Variants in ZMYM1 observed in about 807,000 individuals in gnomAD.
ZMYM1 encodes the protein zinc finger MYM-type containing 1.
In ZMYM1, 39 loss-of-function variants were observed where a neutral mutation model predicts 60.0. The ratio of observed to expected loss-of-function variants is 0.65; its 90% CI spans 0.50 to 0.85. ZMYM1 has a LOEUF of 0.85. Among genes scored for constraint, ZMYM1 ranks in the 40% least tolerant of loss-of-function variants. The pLI is 0.00. For missense variants in ZMYM1, 1,171 were observed against 1,309.5 expected (o/e 0.89, Z 1.63); for synonymous variants, 413 against 454.0 (o/e 0.91, Z 1.15).
intron 1 of ZMYM1, among the ~76,000 whole-genome samples, chr1:35,089,678 T>G (rs1489362262): frequency 6.7e-6 from 1 of 149,026 alleles, no homozygotes; most frequent in African/African-American, 2.4e-5. Context: ...CTGTAACAAC[T>G]TCAACTTCTC....
chr1:35,060,817 G>A (rs559213701), intron 1 of ZMYM1, among the ~76,000 whole-genome samples: 14 of 152,168 alleles, frequency 9.2e-5, no homozygotes, highest in Non-Finnish European at 1.8e-4. Context: ...ACCTCCTAGG[G>A]CCCAGCCCTA....
intron 6 of ZMYM1, among the ~76,000 whole-genome samples, chr1:35,108,610 G>T (rs544054531): frequency 6.6e-6 from 1 of 151,718 alleles, no homozygotes; most frequent in South Asian, 2.1e-4. Context: ...GCCTCGGCCT[G>T]CCAAAGTGCT....
chr1:35,090,665 G>A (rs901623146), intron 1 of ZMYM1, among the ~76,000 whole-genome samples: 1 of 152,226 alleles, frequency 6.6e-6, no homozygotes, highest in Non-Finnish European at 1.5e-5. Flanking sequence ...AGACTTATTT[G>A]ACTGGGTGTG....
At chr1:35,110,478 A>G (rs754810279) in intron 7 of ZMYM1, 31 bp downstream of exon 7, 4 of 1,348,980 alleles carry the variant, frequency 3.0e-6, no homozygotes, top group Non-Finnish European at 3.9e-6. Context: ...GTAGGGGTTT[A>G]GTAATTATTA....
intron 1 of ZMYM1, among the ~76,000 whole-genome samples, chr1:35,065,313 T>C (rs1030207770): frequency 7.9e-5 from 12 of 152,130 alleles, no homozygotes; most frequent in African/African-American, 2.9e-4. Flanking sequence ...AAATGACTTT[T>C]ATGACCCATT....
At chr1:35,087,674 C>T (rs749071911) in intron 1 of ZMYM1, among the ~76,000 whole-genome samples, 15 of 151,908 alleles carry the variant, frequency 9.9e-5, no homozygotes, top group African/African-American at 2.2e-4. Context: ...GTGATCAGCC[C>T]GCGTTGGCCT....
chr1:35,112,486 T>TTATATATA (rs556558531), intron 9 of ZMYM1, among the ~76,000 whole-genome samples: 17 of 145,388 alleles, frequency 1.2e-4, no homozygotes, highest in African/African-American at 3.8e-4. Context: ...CCCAGATTTT[T>TTATATATA]TATATATATA....
downstream of ZMYM1, among the ~76,000 whole-genome samples, chr1:35,116,111 C>G (rs527538824): frequency 7.6e-4 from 116 of 151,988 alleles, no homozygotes; most frequent in African/African-American, 2.7e-3. Context: ...ACTGCACACC[C>G]GAAGTCCCAG....
upstream of ZMYM1, among the ~76,000 whole-genome samples, chr1:35,074,568 C>A (rs566357319): frequency 6.6e-6 from 1 of 152,062 alleles, no homozygotes; most frequent in Non-Finnish European, 1.5e-5. Context: ...GCCACCATGT[C>A]CAGCTAATTT....
At chr1:35,107,242 C>T (rs1311081668) in intron 6 of ZMYM1, among the ~76,000 whole-genome samples, 9 of 146,032 alleles carry the variant, frequency 6.2e-5, no homozygotes, top group Non-Finnish European at 1.1e-4. Flanking sequence ...GGGTGGATCA[C>T]GAGGTCAGGA....
intron 6 of ZMYM1, among the ~76,000 whole-genome samples, chr1:35,106,345 A>T (rs1399277214): frequency 6.6e-6 from 1 of 152,138 alleles, no homozygotes; most frequent in Non-Finnish European, 1.5e-5. Context: ...GCAGTGGCTG[A>T]TGCCTATAAT....
rs749972567 is a variant in ZMYM1, at chr1:35,088,446, ATATATATATGTGTGTGTGTG to A, written c.-74-5466_-74-5447del. ...AATGTGTTTATGTGTATATATATATATATATATATGTGTGTGTGTGTGTGTGTGTGTGTGTGTGTGTGTGT... is the reference window on the plus strand; with the variant it reads ...AATGTGTTTATGTGTATATATATATATGTGTGTGTGTGTGTGTGTGTGTGT... On this transcript the variant is annotated intron_variant, in intron 1 of 9. Transcript: ENST00000359858. 2.8e-4 allele frequency among the ~76,000 whole-genome samples: 32 copies of A among 116,312 alleles called. 1 individual carries two copies. The highest frequency in any genetic ancestry group is 9.8e-4 in the African/African-American group (28 of 28,654). 76.3% of individuals were successfully genotyped at this position (116,312 alleles called of 152,430 possible). A position where few individuals can be genotyped will look rare whatever the true frequency, so the allele number is the denominator to read the frequency against.
chr1:35,092,611 T>C (rs1354166403), intron 1 of ZMYM1, among the ~76,000 whole-genome samples: 1 of 146,858 alleles, frequency 6.8e-6, no homozygotes, highest in African/African-American at 2.7e-5. Context: ...TTCCTTTCTT[T>C]CTTTCTTTCC....
intron 1 of ZMYM1, among the ~76,000 whole-genome samples, chr1:35,061,943 C>T (rs1641885356): frequency 6.6e-6 from 1 of 151,488 alleles, no homozygotes; most frequent in Admixed American, 6.6e-5. Context: ...GATCCTCCTG[C>T]CTTAGCCTCC....
At chr1:35,100,832 C>T (rs1379532805) in intron 4 of ZMYM1, among the ~76,000 whole-genome samples, 1 of 151,418 alleles carries the variant, frequency 6.6e-6, no homozygotes, top group Non-Finnish European at 1.5e-5. Context: ...AGACAAGGTC[C>T]CTGTCTGTCA....
upstream of ZMYM1, among the ~76,000 whole-genome samples, chr1:35,075,020 C>T (rs1240062896): frequency 1.3e-5 from 2 of 151,966 alleles, no homozygotes; most frequent in East Asian, 3.9e-4. Flanking sequence ...GTCACTGCGC[C>T]CAGCTAATTT....
intron 4 of ZMYM1, among the ~76,000 whole-genome samples, chr1:35,102,504 C>T (rs750758869): frequency 1.3e-5 from 2 of 152,086 alleles, no homozygotes; most frequent in Non-Finnish European, 2.9e-5. Flanking sequence ...TTTTGGGTAT[C>T]GATCAAGTTG....
Position 35,114,093 on chromosome 1 carries a change from A to T in ZMYM1, c.2263A>T (p.Ile755Phe). ...TGCACACTTTTTGGATTTATCAATAATTAGGTTTTGTAAAGAAGTAAAAGA... is the reference window on the plus strand; with the variant it reads ...TGCACACTTTTTGGATTTATCAATATTTAGGTTTTGTAAAGAAGTAAAAGA... ...CYAHFLDLSI[I>F]RFCKEVKELR... The change falls in exon 10 of 10, where the codon ATT becomes TTT. Residue 755 changes from isoleucine to phenylalanine, a missense_variant. Transcript: ENST00000359858. 6.2e-7 allele frequency: 1 copy of T among 1,612,782 alleles called. No homozygotes were observed. Among genetic ancestry groups the T allele is most frequent in the South Asian group, 1.1e-5 (1 of 90,656 alleles).
chr1:35,079,747 G>A (rs905163125), intron 1 of ZMYM1, among the ~76,000 whole-genome samples: 2 of 152,164 alleles, frequency 1.3e-5, no homozygotes, highest in African/African-American at 4.8e-5. Context: ...CTTTAGTCTC[G>A]CTCCGCAGCC....
Sources: allele counts gnomAD v4.1 joint callset (sites outside exome capture counted in the v4.1 genomes callset), GRCh38; gene constraint gnomAD v4.1.1; transcripts MANE v1.5; gene names NCBI Gene and HGNC (gene_info 2026-07-23, HGNC 2026-07-21).